Variants in TM4SF4 observed in about 807,000 individuals in gnomAD.
The protein encoded by TM4SF4 is transmembrane 4 L six family member 4.
A neutral mutation model predicts 24.1 loss-of-function variants in TM4SF4; 24 were observed. The ratio of observed to expected loss-of-function variants is 1.00; its 90% CI spans 0.72 to 1.40. TM4SF4 has a LOEUF of 1.40. Ranked by LOEUF, TM4SF4 falls within the 40% of genes most tolerant of loss-of-function variation. The probability of loss-of-function intolerance (pLI) is 0.00; values close to 1 mark genes in which losing one functional copy is unlikely to be tolerated. For synonymous variants in TM4SF4, 113 were observed against 97.0 expected (o/e 1.17, Z -0.97); for missense variants, 254 against 254.2 (o/e 1.00, Z 0.01).
chr3:149,489,881 T>C (rs1734182052), intron 3 of TM4SF4, among the ~76,000 whole-genome samples: 1 of 152,096 alleles, frequency 6.6e-6, no homozygotes, highest in Admixed American at 6.6e-5. Flanking sequence ...ATTTCAGAAT[T>C]CTCTATTTAT....
chr3:149,491,371 T>C (rs1734207199), intron 3 of TM4SF4, among the ~76,000 whole-genome samples: 2 of 151,126 alleles, frequency 1.3e-5, no homozygotes, highest in South Asian at 4.2e-4. Context: ...GTGCCTGATG[T>C]GGGAGGATCG....
intron 3 of TM4SF4, among the ~76,000 whole-genome samples, chr3:149,489,098 C>T (rs1021834926): frequency 6.6e-6 from 1 of 152,140 alleles, no homozygotes; most frequent in Non-Finnish European, 1.5e-5. Flanking sequence ...CCTTGTGCAG[C>T]GGTTTCCAAA....
chr3:149,490,727 T>C (rs1734194532), intron 3 of TM4SF4, among the ~76,000 whole-genome samples: 1 of 152,212 alleles, frequency 6.6e-6, no homozygotes, highest in South Asian at 2.1e-4. Context: ...ACTCTTCTTA[T>C]CCACATAAGC....
At chr3:149,477,467 G>C (rs1338242912) in intron 2 of TM4SF4, among the ~76,000 whole-genome samples, 1 of 152,168 alleles carries the variant, frequency 6.6e-6, no homozygotes, top group East Asian at 1.9e-4. Context: ...AAAGGGAAAG[G>C]TGCATCTATC....
chr3:149,499,733 A>G (rs77140716), intron 4 of TM4SF4, among the ~76,000 whole-genome samples: 13,004 of 152,146 alleles, frequency 0.085, 1,091 homozygotes, highest in East Asian at 0.43. Context: ...AAGAAGGTCA[A>G]GCATAGTGGC....
chr3:149,483,706 A>G (rs1245468797), intron 2 of TM4SF4, among the ~76,000 whole-genome samples: 1 of 152,198 alleles, frequency 6.6e-6, no homozygotes. Context: ...TGACATAAAC[A>G]TATTTTAAAT....
At position 149,477,248 on chromosome 3, in the gene TM4SF4, A is replaced by G. The variant is rs117100300; in HGVS notation, c.264+1336A>G. ...AATGATTCTAATTTTTCATTCATAT[A>G]GTGATATAAATGAACACAATGAGAG... On this transcript the variant is annotated intron_variant, in intron 2 of 4. Transcript: ENST00000305354. Among the ~76,000 whole-genome samples, 837 of 152,348 alleles carry G rather than the reference A, an allele frequency of 5.5e-3. 9 individuals carry two copies. Among genetic ancestry groups the G allele is most frequent in the East Asian group, 0.04 (208 of 5,192 alleles).
At chr3:149,477,436 C>A (rs564429837) in intron 2 of TM4SF4, among the ~76,000 whole-genome samples, 29 of 152,206 alleles carry the variant, frequency 1.9e-4, no homozygotes, top group Non-Finnish European at 3.7e-4. Flanking sequence ...AATGAATTAA[C>A]CACATTTACT....
At position 149,474,934 on chromosome 3, in the gene TM4SF4, T is replaced by C. The variant is rs1224846519; in HGVS notation, c.57T>C (p.Phe19=). The C allele has an allele frequency of 1.2e-5, 20 of 1,613,864 alleles. No individual in the cohort carries two copies. The highest frequency in any genetic ancestry group is 2.2e-5 in the East Asian group (1 of 44,886). ...CLGGTLIPLA[F]FGFLANILLF... is the part of the protein sequence containing the mutation. The stretch of plus-strand genomic sequence containing the variant: ...GGGGGACCCTCATTCCCCTTGCTTT[T>C]TTTGGCTTCCTGGCTAACATCCTGT... Residue 19 remains phenylalanine, a synonymous_variant, in exon 1 of 5, where the codon TTT becomes TTC. Coordinates refer to ENST00000305354, the MANE Select transcript of TM4SF4 (RefSeq NM_004617.4).
At chr3:149,488,905 C>G (rs1734165058) in intron 3 of TM4SF4, among the ~76,000 whole-genome samples, 1 of 152,140 alleles carries the variant, frequency 6.6e-6, no homozygotes, top group Non-Finnish European at 1.5e-5. Flanking sequence ...TATATTAACT[C>G]AAACCTCTAC....
At chr3:149,488,059 C>A (rs1416940179) in intron 3 of TM4SF4, among the ~76,000 whole-genome samples, 3 of 152,184 alleles carry the variant, frequency 2.0e-5, no homozygotes, top group Non-Finnish European at 2.9e-5. Flanking sequence ...AGCAGCAACA[C>A]AAGGCAACTA....
At chr3:149,487,359 G>A (rs1223780604) in intron 2 of TM4SF4, among the ~76,000 whole-genome samples, 1 of 152,110 alleles carries the variant, frequency 6.6e-6, no homozygotes, top group East Asian at 1.9e-4. Flanking sequence ...AGGTTAAAAG[G>A]CCATGGCTCA....
chr3:149,492,942 C>T (rs1734239089), intron 3 of TM4SF4, among the ~76,000 whole-genome samples: 1 of 152,146 alleles, frequency 6.6e-6, no homozygotes, highest in Non-Finnish European at 1.5e-5. Flanking sequence ...CCAGTTTTGC[C>T]CTTGGCTGAC....
intron 2 of TM4SF4, among the ~76,000 whole-genome samples, chr3:149,484,692 T>C (rs1368238189): frequency 6.6e-6 from 1 of 151,786 alleles, no homozygotes; most frequent in African/African-American, 2.4e-5. Context: ...ACTGGGAAAA[T>C]AGGCATGCAC....
chr3:149,481,863 G>C (rs1734038758), intron 2 of TM4SF4, among the ~76,000 whole-genome samples: 1 of 152,254 alleles, frequency 6.6e-6, no homozygotes, highest in Admixed American at 6.5e-5. Flanking sequence ...GCACTGAGCA[G>C]CTGCGAGGGA....
At chr3:149,477,839 G>C (rs1278395217) in intron 2 of TM4SF4, among the ~76,000 whole-genome samples, 1 of 151,940 alleles carries the variant, frequency 6.6e-6, no homozygotes, top group Non-Finnish European at 1.5e-5. Flanking sequence ...TATATGTTGT[G>C]AACTTTTGGG....
chr3:149,490,971 C>G (rs967980600), intron 3 of TM4SF4, among the ~76,000 whole-genome samples: 4 of 151,832 alleles, frequency 2.6e-5, no homozygotes, highest in African/African-American at 7.3e-5. Flanking sequence ...TCTTTCTCTC[C>G]TCTTCCTCCT....
chr3:149,499,283 C>A (rs1453836596), intron 4 of TM4SF4, among the ~76,000 whole-genome samples: 1 of 152,096 alleles, frequency 6.6e-6, no homozygotes, highest in East Asian at 1.9e-4. Flanking sequence ...ACAGTGTCAG[C>A]GATAGTACAT....
intron 3 of TM4SF4, among the ~76,000 whole-genome samples, chr3:149,496,900 G>A (rs937909082): frequency 1.3e-5 from 2 of 151,634 alleles, no homozygotes; most frequent in Non-Finnish European, 2.9e-5. Flanking sequence ...CTGGCTGGGC[G>A]TGGTGACTCA....
Sources: allele counts gnomAD v4.1 joint callset (sites outside exome capture counted in the v4.1 genomes callset), GRCh38; gene constraint gnomAD v4.1.1; transcripts MANE v1.5; gene names NCBI Gene and HGNC (gene_info 2026-07-23, HGNC 2026-07-21).